STOML3: variants seen among roughly 807,000 people sequenced by gnomAD.
STOML3 encodes stomatin like 3.
In STOML3, 31 loss-of-function variants were observed where a neutral mutation model predicts 29.5. The ratio of observed to expected loss-of-function variants is 1.05; its 90% confidence interval spans 0.79 to 1.42. The LOEUF (loss-of-function observed/expected upper bound fraction) is 1.42. STOML3 is among the 40% of genes most tolerant of loss of function. The pLI is 0.00. For missense variants in STOML3, 380 were observed against 363.0 expected (o/e 1.05, Z -0.38); for synonymous variants, 122 against 139.8 (o/e 0.87, Z 0.90).
At chr13:38,988,894 A>G (rs1401410611) in intron 1 of STOML3, among the ~76,000 whole-genome samples, 1 of 139,888 alleles carries the variant, frequency 7.1e-6, no homozygotes, top group African/African-American at 2.7e-5. Context: ...TACATATTAT[A>G]TACTATACTA....
At position 38,966,258 on chromosome 13, in the gene STOML3, C is replaced by G. The variant is rs1350298304; in HGVS notation, c.*567G>C. The stretch of plus-strand genomic sequence containing the variant: ...CACAGCAAGAGACCTGGACTGTGAG[C>G]TCATCGCAGTTTGCCTTGTGGCACG... On this transcript the variant is annotated 3_prime_UTR_variant, in exon 7 of 7. Coordinates refer to ENST00000379631, the MANE Select transcript of STOML3 (RefSeq NM_145286.3). 1.3e-5 allele frequency: 2 copies of G among 152,514 alleles called. No homozygotes were observed. The highest frequency in any genetic ancestry group is 4.8e-5 in the African/African-American group (2 of 41,470). 9.4% of individuals were successfully genotyped at this position (152,514 alleles called of 1,614,324 possible).
Position 38,987,971 on chromosome 13 carries a change from TATATG to T in STOML3, c.52+2694_52+2698del, listed in dbSNP as rs1224531338. 2.5e-4 allele frequency among the ~76,000 whole-genome samples: 19 copies of T among 75,288 alleles called. 2 individuals carry two copies. The highest frequency in any genetic ancestry group is 8.4e-4 in the African/African-American group (12 of 14,266). The allele number at this position is 75,288 out of a possible 152,430, so 49.4% of individuals were successfully genotyped here. On this transcript the variant is annotated intron_variant, in intron 1 of 6. Coordinates refer to ENST00000379631, the MANE Select transcript of STOML3 (RefSeq NM_145286.3). ...ATATATTATATTTTATATAATATAT[TATATG>T]TTATATATAATATATTATATTTTAT... is the stretch of plus-strand genomic sequence containing the variant.
intron 1 of STOML3, among the ~76,000 whole-genome samples, chr13:38,985,889 C>CTTTTTTTTTT (rs200028643): frequency 4.9e-5 from 3 of 61,350 alleles, no homozygotes; most frequent in Non-Finnish European, 1.2e-4. Context: ...GTGGCTATTT[C>CTTTTTTTTTT]TTTTTTTTTT....
intron 6 of STOML3, among the ~76,000 whole-genome samples, chr13:38,968,134 T>A (rs1337203633): frequency 6.6e-6 from 1 of 152,158 alleles, no homozygotes; most frequent in African/African-American, 2.4e-5. Flanking sequence ...AACACTGATA[T>A]GCGGCTAGAG....
chr13:38,979,962 T>C, intron 1 of STOML3: 24 of 1,338,324 alleles, frequency 1.8e-5, no homozygotes, highest in Non-Finnish European at 2.4e-5. Flanking sequence ...GCTTAATGCC[T>C]GGAGCCAAGC....
intron 6 of STOML3, 60 bp downstream of exon 6, chr13:38,968,340 T>A: frequency 1.9e-6 from 3 of 1,586,554 alleles, no homozygotes; most frequent in Non-Finnish European, 2.6e-6. Flanking sequence ...TCAAGTCCTA[T>A]CCTTGTTGGC....
chr13:38,977,823 G>A (rs1003948863), intron 1 of STOML3, among the ~76,000 whole-genome samples: 1 of 134,484 alleles, frequency 7.4e-6, no homozygotes, highest in African/African-American at 2.7e-5. Flanking sequence ...ACAGTGGCGC[G>A]CTCTTGGCTC....
At chr13:38,973,001 G>A (rs1465037463) in intron 3 of STOML3, among the ~76,000 whole-genome samples, 1 of 145,126 alleles carries the variant, frequency 6.9e-6, no homozygotes, top group Admixed American at 7.2e-5. Flanking sequence ...GCTCACGCCT[G>A]TAATCCCAGC....
intron 3 of STOML3, among the ~76,000 whole-genome samples, chr13:38,973,713 G>T (rs749157789): frequency 1.1e-4 from 17 of 152,098 alleles, no homozygotes; most frequent in Non-Finnish European, 2.5e-4. Context: ...GTTCTTATCA[G>T]CTAGATATAC....
At position 38,966,699 on chromosome 13, in the gene STOML3, T is replaced by G; in HGVS notation, c.*126A>C. 1.2e-6 allele frequency: 1 copy of G among 813,398 alleles called. No homozygotes were observed. Among genetic ancestry groups the G allele is most frequent in the South Asian group, 1.7e-5 (1 of 58,352 alleles). The allele number at this position is 813,398 out of a possible 1,614,324, so 50.4% of individuals were successfully genotyped here. ...AGCCTCTAGAGCTTTTTCCTGCCAA[T>G]GCTCTTCCATCTATGGAGTTACTGT... On this transcript the variant is annotated 3_prime_UTR_variant, in exon 7 of 7. Coordinates refer to ENST00000379631, the MANE Select transcript of STOML3 (RefSeq NM_145286.3).
chr13:38,985,266 T>C (rs934454253), intron 1 of STOML3, among the ~76,000 whole-genome samples: 1 of 151,822 alleles, frequency 6.6e-6, no homozygotes, highest in Non-Finnish European at 1.5e-5. Context: ...CTACTAACAA[T>C]ACAAAAATTA....
At chr13:38,969,134 T>C (rs1880770731) in intron 5 of STOML3, among the ~76,000 whole-genome samples, 1 of 152,232 alleles carries the variant, frequency 6.6e-6, no homozygotes, top group Non-Finnish European at 1.5e-5. Flanking sequence ...CTGTTTAACT[T>C]CTGCTCTATG....
At chr13:38,975,095 C>A (rs1052310648) in intron 3 of STOML3, among the ~76,000 whole-genome samples, 1 of 151,912 alleles carries the variant, frequency 6.6e-6, no homozygotes, top group Non-Finnish European at 1.5e-5. Flanking sequence ...TTTGAGAGGT[C>A]GAGACGGGCG....
chr13:38,987,894 T>TTA (rs548122132), intron 1 of STOML3, among the ~76,000 whole-genome samples: 1,414 of 50,536 alleles, frequency 0.028, 97 homozygotes, highest in African/African-American at 0.11. Context: ...ATATAATATA[T>TTA]TATGTTATAT....
At chr13:38,988,780 A>G (rs1409450263) in intron 1 of STOML3, among the ~76,000 whole-genome samples, 2 of 143,160 alleles carry the variant, frequency 1.4e-5, no homozygotes, top group Non-Finnish European at 3.0e-5. Context: ...AGTATTCATA[A>G]GTACATATTA....
chr13:38,968,073 T>C (rs1170782898), intron 6 of STOML3, among the ~76,000 whole-genome samples: 1 of 152,152 alleles, frequency 6.6e-6, no homozygotes, highest in Non-Finnish European at 1.5e-5. Context: ...GGGTTTGAAG[T>C]AAGGCTTGGA....
chr13:38,986,430 G>A (rs1272890969), intron 1 of STOML3, among the ~76,000 whole-genome samples: 1 of 152,162 alleles, frequency 6.6e-6, no homozygotes, highest in African/African-American at 2.4e-5. Context: ...AAGACCAGAT[G>A]CTTCCCAGAG....
At chr13:38,982,759 A>C (rs1881312523) in intron 1 of STOML3, among the ~76,000 whole-genome samples, 1 of 152,140 alleles carries the variant, frequency 6.6e-6, no homozygotes, top group Admixed American at 6.6e-5. Flanking sequence ...ATTTTTGCCC[A>C]CAAGGAAATT....
At chr13:38,980,271 G>T in intron 1 of STOML3, 1 of 768,014 alleles carries the variant, frequency 1.3e-6, no homozygotes, top group Non-Finnish European at 2.1e-6. Context: ...AAGTGGGGCT[G>T]TGAGTGCTGC....
Sources: gnomAD v4.1 joint callset for allele counts (sites outside exome capture counted in the v4.1 genomes callset) on GRCh38, gnomAD v4.1.1 for gene constraint, MANE v1.5 for transcripts, NCBI Gene and HGNC (gene_info 2026-07-23, HGNC 2026-07-21) for gene names.